KLRF2: variants seen among roughly 807,000 people sequenced by gnomAD.
The protein encoded by KLRF2 is killer cell lectin-like receptor subfamily F member 2.
Under a neutral mutation model 25.3 loss-of-function variants are expected in KLRF2, and 28 were observed. That is an observed-to-expected ratio of 1.11 (90% CI 0.82 to 1.52). The LOEUF (loss-of-function observed/expected upper bound fraction) is 1.52. KLRF2 is among the 40% of genes most tolerant of loss of function. The probability of loss-of-function intolerance (pLI) is 0.00; values close to 1 mark genes in which losing one functional copy is unlikely to be tolerated. For synonymous variants in KLRF2, 73 were observed against 85.0 expected, an observed-to-expected ratio of 0.86 and a Z score of 0.78; for missense variants, 265 against 245.8, an observed-to-expected ratio of 1.08 and a Z score of -0.52.
intron 3 of KLRF2, 43 bp downstream of exon 3, chr12:9,888,823 A>G: frequency 7.8e-7 from 1 of 1,283,804 alleles, no homozygotes; most frequent in Non-Finnish European, 1.1e-6. Context: ...TTAGGGGTAA[A>G]TTTAGTTTTG....
chr12:9,892,940 A>T (rs1004656057), intron 3 of KLRF2, 80 bp from the exon 4 acceptor site: 19 of 1,174,794 alleles, frequency 1.6e-5, no homozygotes, highest in Non-Finnish European at 2.2e-5. Context: ...TCTATTTTCC[A>T]AGTAGTCACA....
At chr12:9,888,905 T>C (rs911945641) in intron 3 of KLRF2, 125 bp downstream of exon 3, 15 of 523,906 alleles carry the variant, frequency 2.9e-5, no homozygotes, top group Non-Finnish European at 5.1e-5. Context: ...GGTATGGGGC[T>C]GAAAAGGACA....
intron 5 of KLRF2, 77 bp downstream of exon 5, chr12:9,893,618 C>G (rs920999110): frequency 2.0e-6 from 1 of 512,220 alleles, no homozygotes; most frequent in African/African-American, 2.0e-5. Context: ...ACTTTCCATT[C>G]TTTTTTCCTT....
chr12:9,883,297 G>A (rs1868114447), intron 1 of KLRF2, among the ~76,000 whole-genome samples: 1 of 152,124 alleles, frequency 6.6e-6, no homozygotes, highest in Admixed American at 6.5e-5. Flanking sequence ...AATACAATTA[G>A]TGTTCTTGCA....
In KLRF2 at chr12:9,893,410, T is replaced by C; in HGVS notation, c.367-19T>C. The C allele has an allele frequency of 8.8e-7, 1 of 1,130,256 alleles. No homozygotes were observed. The highest frequency in any genetic ancestry group is 1.3e-6 in the Non-Finnish European group (1 of 790,284). 70.0% of individuals were successfully genotyped at this position (1,130,256 alleles called of 1,614,324 possible). Reference sequence around the variant, plus strand: ...TTTTTTAAACAAATGAATGAATAAATGCACTATTTCTTCTGCAGGAGTTCA... The same window carrying C: ...TTTTTTAAACAAATGAATGAATAAACGCACTATTTCTTCTGCAGGAGTTCA... On this transcript the variant is annotated intron_variant, in intron 4 of 5. Coordinates refer to ENST00000535540, the MANE Select transcript of KLRF2 (RefSeq NM_001190765.1).
At chr12:9,894,065 TTTTC>T (rs1862722531) in intron 5 of KLRF2, among the ~76,000 whole-genome samples, 2 of 151,914 alleles carry the variant, frequency 1.3e-5, no homozygotes, top group African/African-American at 4.8e-5. Context: ...TCTTTCTCTT[TTTTC>T]TTTCTCTTTC....
intron 2 of KLRF2, among the ~76,000 whole-genome samples, chr12:9,886,739 A>C (rs928201612): frequency 2.8e-4 from 40 of 142,646 alleles, no homozygotes; most frequent in Non-Finnish European, 5.0e-4. Context: ...CTATTTACAC[A>C]GTGGATTTTG....
At chr12:9,889,548 GT>G (rs1459406711) in intron 3 of KLRF2, among the ~76,000 whole-genome samples, 1 of 151,916 alleles carries the variant, frequency 6.6e-6, no homozygotes, top group Admixed American at 6.6e-5. Flanking sequence ...TTTTTCCTGG[GT>G]TTTCATCCTG....
At position 9,889,589 on chromosome 12, in the gene KLRF2, C is replaced by T. The variant is rs114774556; in HGVS notation, c.217+809C>T. ...CCTATTCTGTGCGTTTTGGACTTGCCTGCCCCCACAATTATATGAGACAAT... is the reference window on the plus strand; with the variant it reads ...CCTATTCTGTGCGTTTTGGACTTGCTTGCCCCCACAATTATATGAGACAAT... On this transcript the variant is annotated intron_variant, in intron 3 of 5. Transcript: ENST00000535540. 8.9e-3 allele frequency among the ~76,000 whole-genome samples: 1,346 copies of T among 152,002 alleles called. 15 individuals carry two copies. The highest frequency in any genetic ancestry group is 0.031 in the African/African-American group (1,272 of 41,456).
chr12:9,894,042 C>CT (rs756508226), intron 5 of KLRF2, among the ~76,000 whole-genome samples: 1 of 150,780 alleles, frequency 6.6e-6, no homozygotes, highest in Admixed American at 6.6e-5. Context: ...CTTTCTTTTT[C>CT]TTTCTTTCTT....
intron 2 of KLRF2, among the ~76,000 whole-genome samples, chr12:9,886,361 A>G (rs966189027): frequency 3.3e-5 from 5 of 152,206 alleles, no homozygotes; most frequent in Non-Finnish European, 5.9e-5. Flanking sequence ...ATAACAAAAT[A>G]GAGTAAATTA....
At chr12:9,895,557 A>G (rs1862747092) in intron 5 of KLRF2, 132 bp from the exon 6 acceptor site, 2 of 758,144 alleles carry the variant, frequency 2.6e-6, no homozygotes, top group African/African-American at 3.6e-5. Flanking sequence ...AGCAATGAAA[A>G]TTCCATTCTA....
chr12:9,893,561 G>A lies in KLRF2; in HGVS notation c.479+20G>A. 1 of 956,056 alleles carries A rather than the reference G, an allele frequency of 1.0e-6. No individual in the cohort carries two copies. Among genetic ancestry groups the A allele is most frequent in the South Asian group, 1.5e-5 (1 of 64,942 alleles). The allele number at this position is 956,056 out of a possible 1,614,324, so 59.2% of individuals were successfully genotyped here. On this transcript the variant is annotated intron_variant, in intron 5 of 5. Transcript: ENST00000535540. Reference sequence around the variant, plus strand: ...AGAATTGTGAGTAGTTATTTGTAAGGGAGGGGTGCTAATGTTTATAGAATT... The same window carrying A: ...AGAATTGTGAGTAGTTATTTGTAAGAGAGGGGTGCTAATGTTTATAGAATT...
intron 2 of KLRF2, among the ~76,000 whole-genome samples, chr12:9,887,387 A>C (rs1862610594): frequency 3.3e-5 from 5 of 152,228 alleles, no homozygotes; most frequent in African/African-American, 1.2e-4. Context: ...CCCAAAGCAA[A>C]TTAGCATCAG....
chr12:9,886,763 CAAAAAAA>C (rs770999069), intron 2 of KLRF2, among the ~76,000 whole-genome samples: 9 of 103,518 alleles, frequency 8.7e-5, no homozygotes, highest in African/African-American at 2.6e-4. Flanking sequence ...CTATATCATG[CAAAAAAA>C]AAAAAAAAAA....
At chr12:9,882,595 T>C (rs984555648) in intron 1 of KLRF2, among the ~76,000 whole-genome samples, 1 of 152,102 alleles carries the variant, frequency 6.6e-6, no homozygotes, top group East Asian at 1.9e-4. Flanking sequence ...CTGGCCAACA[T>C]GGTGAAACCC....
chr12:9,894,155 C>CT (rs34747921), intron 5 of KLRF2, among the ~76,000 whole-genome samples: 1 of 59,054 alleles, frequency 1.7e-5, no homozygotes, highest in Non-Finnish European at 3.4e-5. Flanking sequence ...TCTCTCTCTC[C>CT]CTCCCTTCCT....
At chr12:9,894,151 T>TCG (rs1565524103) in intron 5 of KLRF2, among the ~76,000 whole-genome samples, 2 of 147,470 alleles carry the variant, frequency 1.4e-5, no homozygotes, top group African/African-American at 5.0e-5. Context: ...TCTCTCTCTC[T>TCG]CTCCCTCCCT....
At chr12:9,885,738 A>AT (rs1351011762) in intron 2 of KLRF2, among the ~76,000 whole-genome samples, 1 of 152,000 alleles carries the variant, frequency 6.6e-6, no homozygotes, top group African/African-American at 2.4e-5. Context: ...TACTTAATGT[A>AT]TTTTTTCTCT....
Sources: allele counts gnomAD v4.1 joint callset (sites outside exome capture counted in the v4.1 genomes callset), GRCh38; gene constraint gnomAD v4.1.1; transcripts MANE v1.5; gene names NCBI Gene and HGNC (gene_info 2026-07-23, HGNC 2026-07-21).